CAMK1: variants seen among roughly 807,000 people sequenced by gnomAD.
CAMK1 encodes calcium/calmodulin-dependent protein kinase type 1.
Under a neutral mutation model 49.1 loss-of-function variants are expected in CAMK1, and 39 were observed. The observed-to-expected ratio is 0.79, with a 90% CI of 0.62 to 1.04. CAMK1 has a LOEUF of 1.04. Among genes scored for constraint, CAMK1 ranks in the 50% least tolerant of loss-of-function variants. The pLI, the probability that CAMK1 is intolerant of heterozygous loss-of-function variation, is 0.00. For missense variants in CAMK1, 457 were observed against 472.2 expected (o/e 0.97, Z 0.30); for synonymous variants, 192 against 185.2 (o/e 1.04, Z -0.30).
At chr3:9,758,135 C>T (rs1237401011) in intron 10 of CAMK1, 1 of 273,554 alleles carries the variant, frequency 3.7e-6, no homozygotes, top group African/African-American at 2.2e-5. Flanking sequence ...ATGTCAGGCA[C>T]TGTTCTAAGC....
Position 9,757,354 on chromosome 3 carries a change from A to G in CAMK1, c.*185T>C, listed in dbSNP as rs749683919. ...GGGAGACAGCGCTAAGGATGGTTTTATCTTCCCTTTATTACAAGAAGGAAC... is the reference window on the plus strand; with the variant it reads ...GGGAGACAGCGCTAAGGATGGTTTTGTCTTCCCTTTATTACAAGAAGGAAC... On this transcript the variant is annotated 3_prime_UTR_variant, in exon 12 of 12. Coordinates refer to ENST00000256460, the MANE Select transcript of CAMK1 (RefSeq NM_003656.5). This position sits in a 1 kb window ranked among gnomAD's most constrained non-coding sequence, Gnocchi z 4.5. 4 of 1,614,086 alleles carry G rather than the reference A, an allele frequency of 2.5e-6. No homozygotes were observed. The highest frequency in any genetic ancestry group is 2.5e-6 in the Non-Finnish European group (3 of 1,179,990).
At position 9,765,895 on chromosome 3, in the gene CAMK1, C is replaced by CG; in HGVS notation, c.84-6dup. On this transcript the variant is annotated splice_region_variant and splice_polypyrimidine_tract_variant and intron_variant, in intron 2 of 11. Transcript: ENST00000256460. ...ATCACCTCCGAGAAGGCCCCCCTAT[C>CG]GGGAGAGGGGATTCACAAGGTGAAG... is the stretch of plus-strand genomic sequence containing the variant. 6.2e-7 allele frequency: 1 copy of CG among 1,614,080 alleles called. No homozygotes were observed. The highest frequency in any genetic ancestry group is 8.5e-7 in the Non-Finnish European group (1 of 1,179,998).
At chr3:9,764,628 G>GTTTTTTTTTTTTTT (rs55972033) in intron 3 of CAMK1, among the ~76,000 whole-genome samples, 1 of 92,336 alleles carries the variant, frequency 1.1e-5, no homozygotes, top group Non-Finnish European at 2.1e-5. Context: ...TTTTTTTTTT[G>GTTTTTTTTTTTTTT]TTTTTTTTTT....
chr3:9,765,180 T>G (rs2078094378), intron 3 of CAMK1, among the ~76,000 whole-genome samples: 1 of 151,334 alleles, frequency 6.6e-6, no homozygotes, highest in African/African-American at 2.4e-5. Flanking sequence ...TGAGCCAAGA[T>G]TGCGTCACTG....
chr3:9,760,620 G>A, intron 8 of CAMK1, 36 bp downstream of exon 8: 1 of 1,610,174 alleles, frequency 6.2e-7, no homozygotes, highest in Non-Finnish European at 8.5e-7. Flanking sequence ...GGAACCAGAG[G>A]CAGGGCCCAG....
rs142285715 is a variant in CAMK1 at position 9,769,244 on chromosome 3, G to GAC, written c.-33+586_-33+587dup. On this transcript the variant is annotated intron_variant, in intron 1 of 11. Transcript: ENST00000256460. Reference sequence around the variant, plus strand: ...CCGCACCCACACAAGATGACACCCAGACACACACACACACACCCTCATATA... The same window carrying GAC: ...CCGCACCCACACAAGATGACACCCAGACACACACACACACACACCCTCATATA... 1.4e-4 allele frequency among the ~76,000 whole-genome samples: 21 copies of GAC among 150,084 alleles called. 1 individual carries two copies. The highest frequency in any genetic ancestry group is 8.5e-4 in the South Asian group (4 of 4,710).
chr3:9,762,563 GAC>G (rs2077934952), intron 5 of CAMK1, among the ~76,000 whole-genome samples: 1 of 152,050 alleles, frequency 6.6e-6, no homozygotes, highest in Non-Finnish European at 1.5e-5. Flanking sequence ...TTTTGGTAGA[GAC>G]AGGGTTTTGC....
In CAMK1 at chr3:9,757,821, A is replaced by T. The variant is rs762951024; in HGVS notation, c.938T>A (p.Val313Glu). 6.2e-7 allele frequency: 1 copy of T among 1,610,372 alleles called. No individual in the cohort carries two copies. Among genetic ancestry groups the T allele is most frequent in the Non-Finnish European group, 8.5e-7 (1 of 1,176,942 alleles). The change falls in exon 11 of 12, where the codon GTG becomes GAG. Residue 313 changes from valine to glutamate, a missense_variant. By Grantham distance (121) the Val-to-Glu change is moderately radical. Transcript: ENST00000256460. The surrounding 1 kb of genome is among the most constrained non-coding windows in gnomAD (Gnocchi z 4.5). Reference protein sequence around the residue: ...WKQAFNATAVVRHMRKLQLGT... With the variant: ...WKQAFNATAVERHMRKLQLGT... The stretch of plus-strand genomic sequence containing the variant: ...CAGCTGCAGTTTCCTCATGTGCCGC[A>T]CCACAGCCGTGGCATTGAAGGCTTG...
In CAMK1 at chr3:9,757,779, C is replaced by A. The variant is rs758189766; in HGVS notation, c.980G>T (p.Gly327Val). ...CCCATGGCTCGCCGTCTGCCCCTGC[C>A]CCTCCTGGCTGGTGCCCAGCTGCAG... ...RKLQLGTSQE[G>V]QGQTASHGEL... Residue 327 changes from glycine (G) to valine (V), a missense_variant, in exon 11 of 12, where the codon GGG becomes GTG. Coordinates refer to ENST00000256460, the MANE Select transcript of CAMK1 (RefSeq NM_003656.5). This position sits in a 1 kb window ranked among gnomAD's most constrained non-coding sequence, Gnocchi z 4.5. 9.3e-6 allele frequency: 15 copies of A among 1,613,986 alleles called. No individual in the cohort carries two copies. Among genetic ancestry groups the A allele is most frequent in the East Asian group, 2.2e-5 (1 of 44,896 alleles).
chr3:9,767,547 G>T, intron 2 of CAMK1, 120 bp downstream of exon 2: 1 of 1,310,242 alleles, frequency 7.6e-7, no homozygotes, highest in Non-Finnish European at 1.1e-6. Flanking sequence ...TTAGGCCCTA[G>T]ATAGTGCTGC....
In CAMK1 at chr3:9,762,985, G is replaced by T; in HGVS notation, c.358C>A (p.Arg120Ser). 2 of 1,614,132 alleles carry T rather than the reference G, an allele frequency of 1.2e-6. No individual in the cohort carries two copies. Among genetic ancestry groups the T allele is most frequent in the Non-Finnish European group, 1.7e-6 (2 of 1,180,034 alleles). ...GCATCCAGCACCTGGAAGATGAGGC[G>T]GCTGGCGTCCCGCTCCGTGTAGAAG... is the stretch of plus-strand genomic sequence containing the variant. ...KGFYTERDAS[R>S]LIFQVLDAVK... Residue 120 changes from arginine (R) to serine (S), a missense_variant, in exon 5 of 12, where the codon CGC becomes AGC. Arg to Ser is a moderately radical substitution (Grantham distance 110). Coordinates refer to ENST00000256460, the MANE Select transcript of CAMK1 (RefSeq NM_003656.5).
chr3:9,762,220 A>G (rs189860183), intron 5 of CAMK1: 5 of 161,674 alleles, frequency 3.1e-5, no homozygotes, highest in African/African-American at 9.6e-5. Flanking sequence ...CCCTTCTCCT[A>G]GAACGGATTG....
intron 4 of CAMK1, 39 bp from the exon 5 acceptor site, chr3:9,763,091 G>A: frequency 6.2e-7 from 1 of 1,614,100 alleles, no homozygotes; most frequent in East Asian, 2.2e-5. Context: ...AAGAGGGTTG[G>A]GACAGCTGGG....
chr3:9,759,324 G>T, intron 10 of CAMK1, 164 bp downstream of exon 10: 1 of 1,577,460 alleles, frequency 6.3e-7, no homozygotes, highest in Non-Finnish European at 8.7e-7. Flanking sequence ...GGTGTTGGGA[G>T]TGTTTGTTGA....
At position 9,757,772 on chromosome 3, in the gene CAMK1, C is replaced by T. The variant is rs1421161957; in HGVS notation, c.987G>A (p.Gly329=). 6.2e-7 allele frequency: 1 copy of T among 1,614,116 alleles called. No homozygotes were observed. The highest frequency in any genetic ancestry group is 1.1e-5 in the South Asian group (1 of 91,080). The change falls in exon 11 of 12, where the codon GGG becomes GGA. Residue 329 remains glycine (G), a synonymous_variant. Coordinates refer to ENST00000256460, the MANE Select transcript of CAMK1 (RefSeq NM_003656.5). The surrounding 1 kb of genome is among the most constrained non-coding windows in gnomAD (Gnocchi z 4.5). ...GCAGCTCCCCATGGCTCGCCGTCTGCCCCTGCCCCTCCTGGCTGGTGCCCA... is the reference window on the plus strand; with the variant it reads ...GCAGCTCCCCATGGCTCGCCGTCTGTCCCTGCCCCTCCTGGCTGGTGCCCA... The part of the protein sequence containing the change: ...LQLGTSQEGQ[G]QTASHGELLT...
intron 8 of CAMK1, 160 bp downstream of exon 8, chr3:9,760,496 A>C: frequency 1.6e-6 from 1 of 642,790 alleles, no homozygotes; most frequent in South Asian, 1.9e-5. Flanking sequence ...GAAGTACCCA[A>C]GCAGAAGGAA....
intron 3 of CAMK1, among the ~76,000 whole-genome samples, chr3:9,764,628 GTTT>G (rs55972033): frequency 4.3e-5 from 4 of 92,320 alleles, no homozygotes; most frequent in African/African-American, 8.6e-5. Flanking sequence ...TTTTTTTTTT[GTTT>G]TTTTTTTTTT....
At chr3:9,762,804 A>T (rs530424778) in intron 5 of CAMK1, 110 bp downstream of exon 5, 156 of 1,061,922 alleles carry the variant, frequency 1.5e-4, no homozygotes, top group Non-Finnish European at 2.0e-4. Context: ...TTGTAGATGG[A>T]AATCCAAGGC....
At chr3:9,758,020 A>G (rs1437952352) in intron 10 of CAMK1, 174 bp from the exon 11 acceptor site, 1 of 884,406 alleles carries the variant, frequency 1.1e-6, no homozygotes, top group Non-Finnish European at 1.6e-6. Context: ...TTATATATTT[A>G]CACACACACA....
Sources: gnomAD v4.1 joint callset for allele counts (sites outside exome capture counted in the v4.1 genomes callset) on GRCh38, gnomAD v4.1.1 for gene constraint, Gnocchi (gnomAD v3.1) non-coding constraint, MANE v1.5 for transcripts, NCBI Gene and HGNC (gene_info 2026-07-23, HGNC 2026-07-21) for gene names.